The following NFKB2 variants were observed in gnomAD, a reference collection of about 807,000 sequenced individuals.
The protein encoded by NFKB2 is nuclear factor kappa B subunit 2, also known as nuclear factor NF-kappa-B p100 subunit.
Under a neutral mutation model 109.3 loss-of-function variants are expected in NFKB2, and 21 were observed. The observed-to-expected ratio is 0.19, with a 90% CI of 0.14 to 0.28. NFKB2 has a LOEUF of 0.28. Among genes scored for constraint, NFKB2 ranks in the 10% least tolerant of loss-of-function variants. NFKB2 has a pLI of 1.00. For synonymous variants in NFKB2, 478 were observed against 489.9 expected, an observed-to-expected ratio of 0.98 and a Z score of 0.32; for missense variants, 806 against 1,185.3, an observed-to-expected ratio of 0.68 and a Z score of 4.70.
intron 14 of NFKB2, 150 bp from the exon 15 acceptor site, chr10:102,399,930 C>T: frequency 9.5e-7 from 1 of 1,055,252 alleles, no homozygotes; most frequent in Non-Finnish European, 1.4e-6. Flanking sequence ...TCAAAAGGTG[C>T]TGCGAAACGT....
Position 102,396,079 on chromosome 10 carries a change from C to T in NFKB2, c.21+99C>T. 1 of 1,524,862 alleles carries T rather than the reference C, an allele frequency of 6.6e-7. No homozygotes were observed. The highest frequency in any genetic ancestry group is 1.1e-5 in the South Asian group (1 of 89,272). The allele number at this position is 1,524,862 out of a possible 1,614,324, so 94.5% of individuals were successfully genotyped here. ...CTGCTGCCTTACACCTGTATGCTCGCAGATGCTCTCAGCCTGCCAGTCTGT... is the reference window on the plus strand; with the variant it reads ...CTGCTGCCTTACACCTGTATGCTCGTAGATGCTCTCAGCCTGCCAGTCTGT... On this transcript the variant is annotated intron_variant, in intron 2 of 22. Coordinates refer to ENST00000661543, the MANE Select transcript of NFKB2 (RefSeq NM_001322934.2). This position sits in a 1 kb window ranked among gnomAD's most constrained non-coding sequence, Gnocchi z 5.9.
chr10:102,402,357 C>T lies in NFKB2; in HGVS notation c.2684C>T (p.Pro895Leu). 1 of 1,555,854 alleles carries T rather than the reference C, an allele frequency of 6.4e-7. No homozygotes were observed. The highest frequency in any genetic ancestry group is 8.7e-7 in the Non-Finnish European group (1 of 1,152,154). Residue 895 changes from proline (P) to leucine (L), a missense_variant, in exon 23 of 23, where the codon CCC (proline) becomes CTC (leucine). Pro to Leu is a moderately conservative substitution (Grantham distance 98). Around this residue, in one of 10 missense-constraint regions of NFKB2, gnomAD observed 211 missense variants for 268.7 expected, o/e 0.79. Transcript: ENST00000661543. ...CCAGGAGGGCTCTGCCACGGGCACCCCCAGCCTCAGGTGCACTGACCTGCT... is the reference window on the plus strand; with the variant it reads ...CCAGGAGGGCTCTGCCACGGGCACCTCCAGCCTCAGGTGCACTGACCTGCT... ...EPPGGLCHGH[P>L]QPQVH
At position 102,395,806 on chromosome 10, in the gene NFKB2, T is replaced by TGCC; in HGVS notation, c.-73+10_-73+11insGCC. 2.0e-6 allele frequency: 1 copy of TGCC among 512,642 alleles called. No homozygotes were observed. 31.8% of individuals were successfully genotyped at this position (512,642 alleles called of 1,614,324 possible). ...CAGGCGGCTGGAGGAGGTCGGACCCTCCCCCAAATCTGGGCCCCCATCTCC... is the reference window on the plus strand; with the variant it reads ...CAGGCGGCTGGAGGAGGTCGGACCCTGCCCCCCCAAATCTGGGCCCCCATCTCC... On this transcript the variant is annotated intron_variant, in intron 1 of 22. Coordinates refer to ENST00000661543, the MANE Select transcript of NFKB2 (RefSeq NM_001322934.2).
Position 102,400,656 on chromosome 10 carries a change from A to C in NFKB2, c.1800A>C (p.Gly600=), listed in dbSNP as rs1324180395. 6 of 1,613,642 alleles carry C rather than the reference A, an allele frequency of 3.7e-6. No homozygotes were observed. Among genetic ancestry groups the C allele is most frequent in the Non-Finnish European group, 5.1e-6 (6 of 1,179,886 alleles). Residue 600 remains glycine, a splice_region_variant and synonymous_variant, in exon 17 of 23, where the codon GGA becomes GGC. Coordinates refer to ENST00000661543, the MANE Select transcript of NFKB2 (RefSeq NM_001322934.2). This position sits in a 1 kb window ranked among gnomAD's most constrained non-coding sequence, Gnocchi z 6.3. ...PQLLHMPDFE[G]LYPVHLAVRA... is the part of the protein sequence containing the mutation. Reference sequence around the variant, plus strand: ...AGGTTGAGCATCCTGCATCCTTAGGACTGTATCCAGTACACCTGGCAGTCC... The same window carrying C: ...AGGTTGAGCATCCTGCATCCTTAGGCCTGTATCCAGTACACCTGGCAGTCC...
In NFKB2 at chr10:102,400,165, G is replaced by A. The variant is rs1268022302; in HGVS notation, c.1555G>A (p.Val519Ile). The change falls in exon 15 of 23, where the codon GTT becomes ATT. Residue 519 changes from valine (V) to isoleucine (I), a missense_variant. This residue lies in a region of NFKB2 where 163 missense variants were observed against 207.1 expected (regional missense o/e 0.79). Coordinates refer to ENST00000661543, the MANE Select transcript of NFKB2 (RefSeq NM_001322934.2). This position sits in a 1 kb window ranked among gnomAD's most constrained non-coding sequence, Gnocchi z 6.3. ...YVIHHAQDLGVVNLTNHLHQT... is the reference protein window; with the variant it reads ...YVIHHAQDLGIVNLTNHLHQT... ...CATCCACCACGCCCAGGACCTCGGCGTTGTCAACCTCACCAACCACCTGCA... is the reference window on the plus strand; with the variant it reads ...CATCCACCACGCCCAGGACCTCGGCATTGTCAACCTCACCAACCACCTGCA... The A allele has an allele frequency of 6.2e-7, 1 of 1,614,022 alleles. No individual in the cohort carries two copies. The highest frequency in any genetic ancestry group is 1.3e-5 in the African/African-American group (1 of 74,916).
In NFKB2 at chr10:102,397,088, A is replaced by G. The variant is rs1384049364; in HGVS notation, c.395+33A>G. 1 of 1,597,096 alleles carries G rather than the reference A, an allele frequency of 6.3e-7. No homozygotes were observed. The highest frequency in any genetic ancestry group is 8.6e-7 in the Non-Finnish European group (1 of 1,167,334). On this transcript the variant is annotated intron_variant, in intron 6 of 22. Coordinates refer to ENST00000661543, the MANE Select transcript of NFKB2 (RefSeq NM_001322934.2). The surrounding 1 kb of genome is among the most constrained non-coding windows in gnomAD (Gnocchi z 4.7). ...CCCTCTACGCCTGGCCCCCACTGGT[A>G]TGCCCGTCTGCCAGTCCCAGGCCCC...
Position 102,397,311 on chromosome 10 carries a change from C to A in NFKB2, c.405C>A (p.Asn135Lys). The A allele has an allele frequency of 6.2e-7, 1 of 1,614,064 alleles. No individual in the cohort carries two copies. The highest frequency in any genetic ancestry group is 8.5e-7 in the Non-Finnish European group (1 of 1,179,910). Reference sequence around the variant, plus strand: ...GATTCTCTCTTCTCAGATTTAACAACCTGGGTGTCCTGCATGTGACTAAGA... The same window carrying A: ...GATTCTCTCTTCTCAGATTTAACAAACTGGGTGTCCTGCATGTGACTAAGA... ...GPKDMTAQFN[N>K]LGVLHVTKKN... is the part of the protein sequence containing the mutation. The change falls in exon 7 of 23, where the codon AAC (asparagine) becomes AAA (lysine). Residue 135 changes from asparagine (N) to lysine (K), a missense_variant. This residue lies in a region of NFKB2 where 62 missense variants were observed against 102.2 expected (regional missense o/e 0.61). Transcript: ENST00000661543. The surrounding 1 kb of genome is among the most constrained non-coding windows in gnomAD (Gnocchi z 4.7).
rs1428640525 is a variant in NFKB2, at chr10:102,396,039, C to G, written c.21+59C>G. 1 of 1,605,824 alleles carries G rather than the reference C, an allele frequency of 6.2e-7. No homozygotes were observed. The highest frequency in any genetic ancestry group is 1.3e-5 in the African/African-American group (1 of 74,822). ...CTGCCCCTCGTGTCTGTCCACCTGT[C>G]TGCCCGAGCCCCCTCTGCTGCCTTA... is the stretch of plus-strand genomic sequence containing the variant. On this transcript the variant is annotated intron_variant, in intron 2 of 22. Transcript: ENST00000661543. This position sits in a 1 kb window ranked among gnomAD's most constrained non-coding sequence, Gnocchi z 5.9.
In NFKB2 at chr10:102,396,022, C is replaced by G. The variant is rs2061103404; in HGVS notation, c.21+42C>G. 1.9e-6 allele frequency: 3 copies of G among 1,610,640 alleles called. No homozygotes were observed. Among genetic ancestry groups the G allele is most frequent in the Non-Finnish European group, 2.5e-6 (3 of 1,179,720 alleles). ...GCCCCTGACCCGGCCGGCTGCCCCTCGTGTCTGTCCACCTGTCTGCCCGAG... is the reference window on the plus strand; with the variant it reads ...GCCCCTGACCCGGCCGGCTGCCCCTGGTGTCTGTCCACCTGTCTGCCCGAG... On this transcript the variant is annotated intron_variant, in intron 2 of 22. Transcript: ENST00000661543. This position sits in a 1 kb window ranked among gnomAD's most constrained non-coding sequence, Gnocchi z 5.9.
chr10:102,396,778 C>G lies in NFKB2; in HGVS notation c.198C>G (p.Pro66=), dbSNP rs778061308. 2.5e-6 allele frequency: 4 copies of G among 1,613,236 alleles called. No homozygotes were observed. In the South Asian group the frequency reaches 3.3e-5, roughly 13 times the overall value. The change falls in exon 5 of 23, where the codon CCC becomes CCG. Residue 66 remains proline (P), a synonymous_variant. Transcript: ENST00000661543. This position sits in a 1 kb window ranked among gnomAD's most constrained non-coding sequence, Gnocchi z 5.9. ...AAGGCCCCTCCCATGGAGGACTGCCCGGTGCCTCCAGTGAGAAGGGCCGAA... is the reference window on the plus strand; with the variant it reads ...AAGGCCCCTCCCATGGAGGACTGCCGGGTGCCTCCAGTGAGAAGGGCCGAA... The part of the protein sequence containing the change: ...GCEGPSHGGL[P]GASSEKGRKT...
chr10:102,396,626 T>G lies in NFKB2; in HGVS notation c.145-99T>G, dbSNP rs11574845. ...GGATGGTCACTGCTGCTGATCAGAG[T>G]GCTGTAGTTTGGTTCAGGGCTACTA... is the stretch of plus-strand genomic sequence containing the variant. On this transcript the variant is annotated intron_variant, in intron 4 of 22. Transcript: ENST00000661543. This position sits in a 1 kb window ranked among gnomAD's most constrained non-coding sequence, Gnocchi z 5.9. 29,522 of 1,541,672 alleles carry G rather than the reference T, an allele frequency of 0.019. 4,235 individuals are homozygous for G. In the African/African-American group the frequency reaches 0.34, roughly 18 times the overall value.
In NFKB2 at chr10:102,399,364, C is replaced by T. The variant is rs1336063340; in HGVS notation, c.1194C>T (p.Tyr398=). The T allele has an allele frequency of 6.4e-7, 1 of 1,556,810 alleles. No individual in the cohort carries two copies. Residue 398 remains tyrosine, a synonymous_variant, in exon 13 of 23, where the codon TAC becomes TAT. Coordinates refer to ENST00000661543, the MANE Select transcript of NFKB2 (RefSeq NM_001322934.2). The part of the protein sequence containing the change: ...YQSGAGPMGC[Y]PGGGGGAQMA... ...CCGGCGCGGGCCCCATGGGCTGCTA[C>T]CCGGGAGGCGGGGGCGGGGCGCAGA...
rs1338345548 is a variant in NFKB2 at position 102,399,339 on chromosome 10, C to T, written c.1169C>T (p.Ser390Phe). Residue 390 changes from serine to phenylalanine, a missense_variant, in exon 13 of 23, where the codon TCC becomes TTC. Ser to Phe is a radical substitution (Grantham distance 155, BLOSUM62 -2). Coordinates refer to ENST00000661543, the MANE Select transcript of NFKB2 (RefSeq NM_001322934.2). ...PSSLAYSPYQ[S>F]GAGPMGCYPG... Reference sequence around the variant, plus strand: ...TCCCTGGCCTACAGCCCCTACCAGTCCGGCGCGGGCCCCATGGGCTGCTAC... The same window carrying T: ...TCCCTGGCCTACAGCCCCTACCAGTTCGGCGCGGGCCCCATGGGCTGCTAC... 3.2e-6 allele frequency: 5 copies of T among 1,576,768 alleles called. No homozygotes were observed. The highest frequency in any genetic ancestry group is 4.3e-6 in the Non-Finnish European group (5 of 1,163,686).
Position 102,396,226 on chromosome 10 carries a change from G to A in NFKB2, c.22-27G>A, listed in dbSNP as rs777607485. On this transcript the variant is annotated intron_variant, in intron 2 of 22. Transcript: ENST00000661543. This position sits in a 1 kb window ranked among gnomAD's most constrained non-coding sequence, Gnocchi z 5.9. ...CTGTGGGGGGTGCTGAGAGTCGGAT[G>A]CCACCCCCAGTCTGTCTCCAAACCA... The A allele has an allele frequency of 4.4e-6, 7 of 1,592,756 alleles. No homozygotes were observed. In the South Asian group the frequency reaches 7.8e-5, roughly 18 times the overall value.
chr10:102,399,636 G>A lies in NFKB2; in HGVS notation c.1387G>A (p.Asp463Asn), dbSNP rs1214810933. ...GCAGCGCAGCGCCCGAGCCCTACTC[G>A]ACTACGGCGTCACCGCGGACGCGCG... ...LAQRSARALLDYGVTADARAL... is the reference protein window; with the variant it reads ...LAQRSARALLNYGVTADARAL... The change falls in exon 14 of 23, where the codon GAC becomes AAC. Residue 463 changes from aspartate to asparagine, a missense_variant. Physicochemically the swap from Asp to Asn is conservative, Grantham distance 23. Around this residue, in one of 10 missense-constraint regions of NFKB2, gnomAD observed 209 missense variants for 211.9 expected, o/e 0.99. Coordinates refer to ENST00000661543, the MANE Select transcript of NFKB2 (RefSeq NM_001322934.2). 6.5e-7 allele frequency: 1 copy of A among 1,541,628 alleles called. No individual in the cohort carries two copies. Among genetic ancestry groups the A allele is most frequent in the Non-Finnish European group, 8.7e-7 (1 of 1,143,156 alleles).
chr10:102,398,646 C>A lies in NFKB2; in HGVS notation c.992-93C>A. The A allele has an allele frequency of 1.2e-6, 2 of 1,610,812 alleles. No individual in the cohort carries two copies. The highest frequency in any genetic ancestry group is 8.5e-7 in the Non-Finnish European group (1 of 1,179,208). On this transcript the variant is annotated intron_variant, in intron 11 of 22. Transcript: ENST00000661543. This position sits in a 1 kb window ranked among gnomAD's most constrained non-coding sequence, Gnocchi z 6.6. ...AGAAGTGCGAGGGTCCCAGGAGGTG[C>A]TTCCTAGGAGCCGGCCCTGAGGGCT...
chr10:102,395,806 T>A lies in NFKB2; in HGVS notation c.-73+10T>A. 7 of 512,634 alleles carry A rather than the reference T, an allele frequency of 1.4e-5. No homozygotes were observed. The highest frequency in any genetic ancestry group is 3.3e-5 in the South Asian group (1 of 30,684). The allele number at this position is 512,634 out of a possible 1,614,324, so 31.8% of individuals were successfully genotyped here. A position where few individuals can be genotyped will look rare whatever the true frequency, so the allele number is the denominator to read the frequency against. On this transcript the variant is annotated intron_variant, in intron 1 of 22. Transcript: ENST00000661543. ...CAGGCGGCTGGAGGAGGTCGGACCC[T>A]CCCCCAAATCTGGGCCCCCATCTCC...
At position 102,397,431 on chromosome 10, in the gene NFKB2, G is replaced by A. The variant is rs1180465804; in HGVS notation, c.502+23G>A. The A allele has an allele frequency of 3.8e-6, 6 of 1,595,774 alleles. No individual in the cohort carries two copies. Among genetic ancestry groups the A allele is most frequent in the East Asian group, 2.2e-5 (1 of 44,800 alleles). On this transcript the variant is annotated intron_variant, in intron 7 of 22. Transcript: ENST00000661543. The surrounding 1 kb of genome is among the most constrained non-coding windows in gnomAD (Gnocchi z 4.7). ...CGGGTATGGGTGCAGGGGGTGGGTC[G>A]GGTATGGGTGCAGGGGGTGGGTGGG...
At position 102,399,305 on chromosome 10, in the gene NFKB2, T is replaced by G; in HGVS notation, c.1135T>G (p.Phe379Val). Reference protein sequence around the residue: ...GAGGGGSLGFFPSSLAYSPYQ... With the variant: ...GAGGGGSLGFVPSSLAYSPYQ... The stretch of plus-strand genomic sequence containing the variant: ...ATCCACAGGTGGCAGCCTCGGTTTC[T>G]TCCCCTCCTCCCTGGCCTACAGCCC... The change falls in exon 13 of 23, where the codon TTC becomes GTC. Residue 379 changes from phenylalanine (F) to valine (V), a missense_variant. By Grantham distance (50) the Phe-to-Val change is conservative (BLOSUM62 -1). Around this residue, in one of 10 missense-constraint regions of NFKB2, gnomAD observed 209 missense variants for 211.9 expected, o/e 0.99. Coordinates refer to ENST00000661543, the MANE Select transcript of NFKB2 (RefSeq NM_001322934.2). The G allele has an allele frequency of 1.9e-6, 3 of 1,598,684 alleles. No individual in the cohort carries two copies. The highest frequency in any genetic ancestry group is 2.6e-6 in the Non-Finnish European group (3 of 1,173,280).
Sources: allele counts gnomAD v4.1 joint callset, GRCh38; gene constraint gnomAD v4.1.1; regional missense constraint gnomAD v4.1.1; non-coding constraint Gnocchi (gnomAD v3.1); transcripts MANE v1.5; gene names NCBI Gene and HGNC (gene_info 2026-07-23, HGNC 2026-07-21).